SLC25A45: variants seen among roughly 807,000 people sequenced by gnomAD.
The protein encoded by SLC25A45 is solute carrier family 25 member 45.
A neutral mutation model predicts 23.0 loss-of-function variants in SLC25A45; 22 were observed. The ratio of observed to expected loss-of-function variants is 0.95; its 90% CI spans 0.68 to 1.36. The LOEUF (loss-of-function observed/expected upper bound fraction) is 1.36, where lower values mean the gene tolerates loss of function less well. Among genes scored for constraint, SLC25A45 ranks in the 40% most tolerant of loss-of-function variants. The pLI is 0.00. For synonymous variants in SLC25A45, 136 were observed against 155.0 expected (o/e 0.88, Z 0.91); for missense variants, 355 against 383.5 (o/e 0.93, Z 0.62).
At position 65,382,211 on chromosome 11, in the gene SLC25A45, G is replaced by C; in HGVS notation, c.-18-242C>G. 1.8e-6 allele frequency: 1 copy of C among 546,770 alleles called. No homozygotes were observed. The highest frequency in any genetic ancestry group is 3.3e-6 in the Non-Finnish European group (1 of 302,324). The allele number at this position is 546,770 out of a possible 1,614,324, so 33.9% of individuals were successfully genotyped here. A position where few individuals can be genotyped will look rare whatever the true frequency, so the allele number is the denominator to read the frequency against. On this transcript the variant is annotated intron_variant, in intron 1 of 6. Transcript: ENST00000398802. The surrounding 1 kb of genome is among the most constrained non-coding windows in gnomAD (Gnocchi z 4.4). ...CGGGACCACAGAGGCCCTGATCCCC[G>C]AGCCCGGCCAATGATCCTCGCTCTG...
rs775244931 is a variant in SLC25A45 at position 65,379,529 on chromosome 11, G to C, written c.186C>G (p.Pro62=). ...LLGFFKGMSF[P]IASIAVVNSV... is the part of the protein sequence containing the mutation. ...AGTTGACCACAGCTATGCTGGCAAT[G>C]GGGAAGCTCATTCCCTTGAAGAAGC... The change falls in exon 5 of 7, where the codon CCC becomes CCG. Residue 62 remains proline, a synonymous_variant. Transcript: ENST00000398802. 6.2e-7 allele frequency: 1 copy of C among 1,612,396 alleles called. No homozygotes were observed. The highest frequency in any genetic ancestry group is 1.1e-5 in the South Asian group (1 of 91,018).
intron 5 of SLC25A45, 100 bp downstream of exon 5, chr11:65,379,276 A>T: frequency 6.5e-6 from 9 of 1,382,562 alleles, no homozygotes; most frequent in Non-Finnish European, 9.0e-6. Context: ...CAAGAGGCCT[A>T]TGCCTCCACA....
chr11:65,376,252 G>T lies in SLC25A45; in HGVS notation c.*155C>A. ...CCCCTGGCTTCCGGCTCCCACAGGT[G>T]TCTGCCCAGCCCAGATCTGCGCGGG... On this transcript the variant is annotated 3_prime_UTR_variant, in exon 7 of 7. Transcript: ENST00000398802. The T allele has an allele frequency of 1.1e-6, 1 of 940,726 alleles. No homozygotes were observed. Among genetic ancestry groups the T allele is most frequent in the Non-Finnish European group, 1.6e-6 (1 of 637,466 alleles). The allele number at this position is 940,726 out of a possible 1,614,324, so 58.3% of individuals were successfully genotyped here.
Position 65,376,992 on chromosome 11 carries a change from G to C in SLC25A45, c.424C>G (p.Pro142Ala). 6.2e-7 allele frequency: 1 copy of C among 1,613,742 alleles called. No individual in the cohort carries two copies. The highest frequency in any genetic ancestry group is 2.2e-5 in the East Asian group (1 of 44,882). Reference sequence around the variant, plus strand: ...CAGTGCACGGGCCCCTGGTACCGGGGTGGGGGGCTCCCTGGCTGGGCCCTT... The same window carrying C: ...CAGTGCACGGGCCCCTGGTACCGGGCTGGGGGGCTCCCTGGCTGGGCCCTT... ...EPRAQPGSPP[P>A]RYQGPVHCAA... Residue 142 changes from proline (P) to alanine (A), a missense_variant, in exon 6 of 7, where the codon CCC becomes GCC. Transcript: ENST00000398802.
intron 5 of SLC25A45, chr11:65,378,371 T>G (rs114819117): frequency 9.2e-4 from 140 of 152,346 alleles, no homozygotes; most frequent in African/African-American, 3.3e-3. Flanking sequence ...AGCCACAGGT[T>G]TCACTGTAAA....
intron 5 of SLC25A45, 200 bp downstream of exon 5, chr11:65,379,176 G>A (rs970437477): frequency 3.3e-6 from 2 of 612,026 alleles, no homozygotes; most frequent in African/African-American, 1.9e-5. Flanking sequence ...CCCACCAGCT[G>A]TCTCTGCCTT....
rs1325367222 is a variant in SLC25A45, at chr11:65,377,536, C to T, written c.340-460G>A. The T allele has an allele frequency of 7.9e-6, 4 of 504,632 alleles. No homozygotes were observed. The African/African-American group carries it at 8.4e-5, about 11-fold the overall frequency. 31.3% of individuals were successfully genotyped at this position (504,632 alleles called of 1,614,324 possible). ...CCCTCGTGAGTGCTGTTCTCCTGCG[C>T]CCACCTCTCAGAGGCCCGGAGGGGC... On this transcript the variant is annotated intron_variant, in intron 5 of 6. Transcript: ENST00000398802.
Position 65,376,145 on chromosome 11 carries a change from T to A in SLC25A45, c.*262A>T. 2.1e-6 allele frequency: 1 copy of A among 484,116 alleles called. No homozygotes were observed. The highest frequency in any genetic ancestry group is 3.4e-5 in the Admixed American group (1 of 29,642). The allele number at this position is 484,116 out of a possible 1,614,324, so 30.0% of individuals were successfully genotyped here. On this transcript the variant is annotated 3_prime_UTR_variant, in exon 7 of 7. Transcript: ENST00000398802. ...GATGTCACCAGCACCACTTGCCAGC[T>A]CACTTGTGCCTCATGCTCCCTGTTT...
chr11:65,380,339 C>T, intron 2 of SLC25A45, 164 bp from the exon 3 acceptor site: 1 of 1,046,802 alleles, frequency 9.6e-7, no homozygotes, highest in Non-Finnish European at 1.4e-6. Flanking sequence ...CCAGCTGCCC[C>T]TGCCACCCCC....
chr11:65,379,867 G>T lies in SLC25A45; in HGVS notation c.153C>A (p.Ser51=). The change falls in exon 4 of 7, where the codon TCC becomes TCA. Residue 51 remains serine, a splice_region_variant and synonymous_variant. Transcript: ENST00000398802. ...DCMVKIYRHE[S]LLGFFKGMSF... is the part of the protein sequence containing the mutation. ...GACCCCAAAGGAGTGGGCCACTCACGGACTCATGGCGGTAAATCTTGACCA... is the reference window on the plus strand; with the variant it reads ...GACCCCAAAGGAGTGGGCCACTCACTGACTCATGGCGGTAAATCTTGACCA... 1 of 1,614,160 alleles carries T rather than the reference G, an allele frequency of 6.2e-7. No homozygotes were observed. The highest frequency in any genetic ancestry group is 8.5e-7 in the Non-Finnish European group (1 of 1,180,000).
intron 5 of SLC25A45, chr11:65,378,315 A>C (rs1402270086): frequency 6.6e-6 from 1 of 151,952 alleles, no homozygotes; most frequent in Admixed American, 6.6e-5. Flanking sequence ...TCTTCTTCCC[A>C]CTCCACACTA....
chr11:65,380,403 G>T, intron 2 of SLC25A45: 2 of 909,774 alleles, frequency 2.2e-6, no homozygotes, highest in Non-Finnish European at 3.3e-6. Context: ...AAGACCCCAG[G>T]CCCCACCTGA....
intron 5 of SLC25A45, 136 bp downstream of exon 5, chr11:65,379,240 C>T: frequency 9.9e-7 from 1 of 1,008,804 alleles, no homozygotes; most frequent in Non-Finnish European, 1.5e-6. Context: ...CCTGGAAGGC[C>T]ATAGCACAGG....
chr11:65,377,465 C>T (rs917911586), intron 5 of SLC25A45: 8 of 995,786 alleles, frequency 8.0e-6, no homozygotes, highest in Non-Finnish European at 9.7e-6. Context: ...CAGCCTGTGA[C>T]TGTGAAATAG....
In SLC25A45 at chr11:65,376,838, GTGTACTGGCGACAGAGCCCTTCA is replaced by G; in HGVS notation, c.555_577del (p.Glu186ThrfsTer164). 1 of 1,614,126 alleles carries G rather than the reference GTGTACTGGCGACAGAGCCCTTCA, an allele frequency of 6.2e-7. No individual in the cohort carries two copies. The highest frequency in any genetic ancestry group is 8.5e-7 in the Non-Finnish European group (1 of 1,180,054). On this transcript the variant is annotated frameshift_variant, in exon 6 of 7. Transcript: ENST00000398802. LOFTEE classifies it high-confidence loss of function. ...CTTACTGGGATTCTGGCCTTCTGGT[GTGTACTGGCGACAGAGCCCTTCA>G]TAGGTGATGAAGTAGATCCCCACCG...
Position 65,376,665 on chromosome 11 carries a change from C to T in SLC25A45, c.609G>A (p.Thr203=), listed in dbSNP as rs370780233. Residue 203 remains threonine, a synonymous_variant, in exon 7 of 7, where the codon ACG becomes ACA. Coordinates refer to ENST00000398802, the MANE Select transcript of SLC25A45 (RefSeq NM_182556.4). ...TPEGQNPSSA[T]VLVAGGFAGI... is the part of the protein sequence containing the mutation. ...CTGCAAAGCCCCCTGCCACCAGCAC[C>T]GTGGCTGAGCCTGGGGCAGAGAGAG... 2.0e-5 allele frequency: 32 copies of T among 1,613,816 alleles called. No homozygotes were observed. In the African/African-American group the frequency reaches 2.7e-4, roughly 13 times the overall value.
chr11:65,377,087 T>A lies in SLC25A45; in HGVS notation c.340-11A>T. 1 of 1,610,380 alleles carries A rather than the reference T, an allele frequency of 6.2e-7. No individual in the cohort carries two copies. Among genetic ancestry groups the A allele is most frequent in the Non-Finnish European group, 8.5e-7 (1 of 1,177,984 alleles). On this transcript the variant is annotated splice_polypyrimidine_tract_variant and intron_variant, in intron 5 of 6. Coordinates refer to ENST00000398802, the MANE Select transcript of SLC25A45 (RefSeq NM_182556.4). ...AGCCAGACAGTAGGCCTGTTGGTGA[T>A]GAAACATGAGGGCCCCGGGTGGGGC...
At position 65,381,966 on chromosome 11, in the gene SLC25A45, G is replaced by A; in HGVS notation, c.-15C>T. On this transcript the variant is annotated 5_prime_UTR_variant, in exon 2 of 7. Transcript: ENST00000398802. The stretch of plus-strand genomic sequence containing the variant: ...TCCACCGGCATTGTCTGGGCTTGCG[G>A]GAACTGGTGGCTCCAGCAGAGGAGA... The A allele has an allele frequency of 6.2e-7, 1 of 1,613,216 alleles. No homozygotes were observed. The highest frequency in any genetic ancestry group is 8.5e-7 in the Non-Finnish European group (1 of 1,179,166).
Position 65,376,884 on chromosome 11 carries a change from C to T in SLC25A45, c.532G>A (p.Val178Met), listed in dbSNP as rs1855223733. The T allele has an allele frequency of 6.2e-7, 1 of 1,614,198 alleles. No homozygotes were observed. The highest frequency in any genetic ancestry group is 1.1e-5 in the South Asian group (1 of 91,086). ...WALTLRDTPT[V>M]GIYFITYEGL... The stretch of plus-strand genomic sequence containing the variant: ...TCATAGGTGATGAAGTAGATCCCCA[C>T]CGTGGGGGTGTCCCTCAGCGTCAGG... Residue 178 changes from valine (V) to methionine (M), a missense_variant, in exon 6 of 7, where the codon GTG becomes ATG. By Grantham distance (21) the Val-to-Met change is conservative (BLOSUM62 1). Transcript: ENST00000398802.
Sources: allele counts gnomAD v4.1 joint callset, GRCh38; gene constraint gnomAD v4.1.1; non-coding constraint Gnocchi (gnomAD v3.1); transcripts MANE v1.5; gene names NCBI Gene and HGNC (gene_info 2026-07-23, HGNC 2026-07-21).